The following LRP1B variants were observed in gnomAD, a reference collection of about 807,000 sequenced individuals.
LRP1B encodes low-density lipoprotein receptor-related protein 1B.
A neutral mutation model predicts 556.6 loss-of-function variants in LRP1B; 217 were observed. The ratio of observed to expected loss-of-function variants is 0.39; its 90% CI spans 0.35 to 0.44. LRP1B has a LOEUF of 0.44. Among genes scored for constraint, LRP1B ranks in the 20% least tolerant of loss-of-function variants. LRP1B has a pLI of 1.00. For synonymous variants in LRP1B, 2,047 were observed against 1,865.8 expected, an observed-to-expected ratio of 1.10 and a Z score of -2.50; for missense variants, 5,053 against 5,620.8, an observed-to-expected ratio of 0.90 and a Z score of 3.23.
At chr2:140,733,991 C>G (rs1032556808) in intron 35 of LRP1B, among the ~76,000 whole-genome samples, 2 of 152,128 alleles carry the variant, frequency 1.3e-5, no homozygotes, top group Admixed American at 1.3e-4. Flanking sequence ...TGGGAATACT[C>G]CTGCTTAACC....
intron 2 of LRP1B, among the ~76,000 whole-genome samples, chr2:141,572,825 C>T (rs1686582359): frequency 6.6e-6 from 1 of 151,972 alleles, no homozygotes; most frequent in South Asian, 2.1e-4. Context: ...GACTTTAAAC[C>T]AATAAAGATC....
intron 3 of LRP1B, among the ~76,000 whole-genome samples, chr2:141,399,460 G>C (rs1275787261): frequency 6.6e-6 from 1 of 152,210 alleles, no homozygotes; most frequent in East Asian, 1.9e-4. Context: ...CCTTTCTGCA[G>C]AGCATGTGCT....
chr2:140,552,987 G>C (rs1463017293), intron 43 of LRP1B, among the ~76,000 whole-genome samples: 1 of 152,028 alleles, frequency 6.6e-6, no homozygotes, highest in African/African-American at 2.4e-5. Context: ...AAATAAACCT[G>C]AATGTAAAAA....
intron 2 of LRP1B, among the ~76,000 whole-genome samples, chr2:141,496,550 G>A (rs4340449): frequency 0.56 from 84,404 of 151,748 alleles, 23,884 homozygotes; most frequent in African/African-American, 0.65. Flanking sequence ...ATTCAACCAC[G>A]AATTAAACAC....
intron 2 of LRP1B, among the ~76,000 whole-genome samples, chr2:141,795,896 A>ATATATG (rs1404998647): frequency 3.8e-5 from 3 of 78,358 alleles, no homozygotes; most frequent in South Asian, 5.5e-4. Context: ...ATATATATAT[A>ATATATG]TATAATCTTT....
chr2:140,311,347 G>A (rs924051835), intron 83 of LRP1B, among the ~76,000 whole-genome samples: 6 of 151,656 alleles, frequency 4.0e-5, no homozygotes, highest in African/African-American at 9.7e-5. Context: ...ATACTACTTC[G>A]CCATAGAAAA....
chr2:141,946,236 G>A (rs1298285419), intron 1 of LRP1B, among the ~76,000 whole-genome samples: 3 of 151,990 alleles, frequency 2.0e-5, no homozygotes, highest in African/African-American at 4.8e-5. Context: ...TATCTTCTGG[G>A]TGTTTCTTCC....
Position 141,635,047 on chromosome 2 carries a change from A to ACACACACACACACAC in LRP1B, c.206-154515_206-154514insGTGTGTGTGTGTGTG, listed in dbSNP as rs35004868. Among the ~76,000 whole-genome samples the ACACACACACACACAC allele has an allele frequency of 1.3e-3, 202 of 150,036 alleles. 1 individual carries two copies. Among genetic ancestry groups the ACACACACACACACAC allele is most frequent in the African/African-American group, 4.6e-3 (188 of 40,840 alleles). ...TAACATATAGTCAGAACTATAGTGA[A>ACACACACACACACAC]ACACACACACACACACACACCAAGT... On this transcript the variant is annotated intron_variant, in intron 2 of 90. Transcript: ENST00000389484.
At chr2:142,074,236 C>T (rs1394811985) in intron 1 of LRP1B, among the ~76,000 whole-genome samples, 1 of 152,034 alleles carries the variant, frequency 6.6e-6, no homozygotes, top group African/African-American at 2.4e-5. Flanking sequence ...TTAATACTGG[C>T]AAGTTTTATT....
intron 68 of LRP1B, among the ~76,000 whole-genome samples, chr2:140,375,301 T>G (rs1377919346): frequency 6.6e-6 from 1 of 152,020 alleles, no homozygotes; most frequent in Non-Finnish European, 1.5e-5. Flanking sequence ...TTGTGCACTT[T>G]GTACACTCTC....
At chr2:140,771,207 AACAG>A (rs1463494954) in intron 33 of LRP1B, among the ~76,000 whole-genome samples, 2 of 152,160 alleles carry the variant, frequency 1.3e-5, no homozygotes, top group Non-Finnish European at 2.9e-5. Flanking sequence ...CAAAAAAGTC[AACAG>A]ACATACATGA....
chr2:140,486,232 C>A (rs1688465295), intron 58 of LRP1B, among the ~76,000 whole-genome samples: 1 of 151,822 alleles, frequency 6.6e-6, no homozygotes, highest in African/African-American at 2.4e-5. Flanking sequence ...TATATAGAAG[C>A]CAACAGTTAC....
At chr2:141,125,292 G>A (rs1368762442) in intron 7 of LRP1B, among the ~76,000 whole-genome samples, 1 of 152,156 alleles carries the variant, frequency 6.6e-6, no homozygotes, top group African/African-American at 2.4e-5. Flanking sequence ...CATCTGTTCA[G>A]AGTTTAAAAG....
intron 53 of LRP1B, among the ~76,000 whole-genome samples, chr2:140,504,138 G>A (rs942416991): frequency 6.6e-6 from 1 of 151,892 alleles, no homozygotes; most frequent in Non-Finnish European, 1.5e-5. Flanking sequence ...CCACTTACTT[G>A]CCTGCAGTTC....
intron 4 of LRP1B, 30 bp from the exon 5 acceptor site, chr2:141,247,384 G>C (rs1684105541): frequency 1.2e-6 from 2 of 1,610,884 alleles, no homozygotes; most frequent in Non-Finnish European, 1.7e-6. Context: ...TCATTTCTAA[G>C]CAGCTTTATC....
Position 142,113,632 on chromosome 2 carries a change from C to T in LRP1B, c.82+17016G>A, listed in dbSNP as rs1396639407. 3.3e-5 allele frequency among the ~76,000 whole-genome samples: 5 copies of T among 152,112 alleles called. 1 individual carries two copies. Among genetic ancestry groups the T allele is most frequent in the Admixed American group, 3.3e-4 (5 of 15,234 alleles). On this transcript the variant is annotated intron_variant, in intron 1 of 90. Coordinates refer to ENST00000389484, the MANE Select transcript of LRP1B (RefSeq NM_018557.3). ...GAAGCAGCACTAAAAACAAAACTAA[C>T]TAACTAAATAAATAAATACGTGTGT...
chr2:141,136,646 A>G (rs2105042730), intron 7 of LRP1B, among the ~76,000 whole-genome samples: 1 of 140,530 alleles, frequency 7.1e-6, no homozygotes, highest in East Asian at 2.1e-4. Context: ...AAAAAAAAAA[A>G]TACTCTGATC....
At chr2:141,169,500 G>T (rs1196836915) in intron 7 of LRP1B, among the ~76,000 whole-genome samples, 1 of 151,730 alleles carries the variant, frequency 6.6e-6, no homozygotes, top group Non-Finnish European at 1.5e-5. Flanking sequence ...ACAGGTAATT[G>T]AAGTGAGGAG....
intron 3 of LRP1B, among the ~76,000 whole-genome samples, chr2:141,432,951 C>T (rs151290433): frequency 2.7e-4 from 41 of 151,966 alleles, no homozygotes; most frequent in South Asian, 1.9e-3. Context: ...TAGTTTGCTA[C>T]CATTTTCTGG....
Sources: gnomAD v4.1 joint callset for allele counts (sites outside exome capture counted in the v4.1 genomes callset) on GRCh38, gnomAD v4.1.1 for gene constraint, MANE v1.5 for transcripts, NCBI Gene and HGNC (gene_info 2026-07-23, HGNC 2026-07-21) for gene names.